Variants in EFL1 observed in about 807,000 individuals in gnomAD.
The protein encoded by EFL1 is elongation factor-like GTPase 1.
EFL1 carries 76 observed loss-of-function variants against 126.7 expected under a neutral mutation model. The ratio of observed to expected loss-of-function variants is 0.60; its 90% CI spans 0.50 to 0.73. The LOEUF (loss-of-function observed/expected upper bound fraction) is 0.73, where lower values mean the gene tolerates loss of function less well. Ranked by LOEUF, EFL1 falls within the 30% of genes least tolerant of loss-of-function variation. The probability of loss-of-function intolerance (pLI) is 0.00; values close to 1 mark genes in which losing one functional copy is unlikely to be tolerated. For missense variants in EFL1, 1,128 were observed against 1,343.2 expected, an observed-to-expected ratio of 0.84 and a Z score of 2.50; for synonymous variants, 410 against 448.4, an observed-to-expected ratio of 0.91 and a Z score of 1.08.
intron 12 of EFL1, 139 bp from the exon 13 acceptor site, chr15:82,220,368 T>C (rs1198451449): frequency 2.0e-6 from 2 of 992,796 alleles, no homozygotes; most frequent in African/African-American, 3.3e-5. Context: ...TCCCTGTCTG[T>C]AGCAATAAGA....
At chr15:82,197,267 C>T (rs1483877509) in intron 15 of EFL1, among the ~76,000 whole-genome samples, 1 of 152,098 alleles carries the variant, frequency 6.6e-6, no homozygotes, top group African/African-American at 2.4e-5. Context: ...ACCCCTATTC[C>T]CAGGGGACAG....
In EFL1 at chr15:82,138,649, G is replaced by GATTTTTACCTCCCAATGGCTGAATACTA. The variant is rs1567036708; in HGVS notation, c.3155_3174+8dup. 3 of 1,612,230 alleles carry GATTTTTACCTCCCAATGGCTGAATACTA rather than the reference G, an allele frequency of 1.9e-6. No homozygotes were observed. The highest frequency in any genetic ancestry group is 2.5e-6 in the Non-Finnish European group (3 of 1,178,948). On this transcript the variant is annotated intron_variant, in intron 19 of 19. Coordinates refer to ENST00000268206, the MANE Select transcript of EFL1 (RefSeq NM_024580.6). ...GAAGGAAGGAATGAATGGGAACTTG[G>GATTTTTACCTCCCAATGGCTGAATACTA]ATTTTTACCTCCCAATGGCTGAATA... is the stretch of plus-strand genomic sequence containing the variant.
intron 17 of EFL1, among the ~76,000 whole-genome samples, chr15:82,155,485 G>A (rs1389199158): frequency 6.6e-6 from 1 of 151,984 alleles, no homozygotes; most frequent in Non-Finnish European, 1.5e-5. Flanking sequence ...CTGAGCAATG[G>A]GAGTGCCTTT....
At position 82,240,505 on chromosome 15, in the gene EFL1, T is replaced by TA; in HGVS notation, c.428dup (p.Leu143PhefsTer4). 1 of 1,614,144 alleles carries TA rather than the reference T, an allele frequency of 6.2e-7. No individual in the cohort carries two copies. The highest frequency in any genetic ancestry group is 8.5e-7 in the Non-Finnish European group (1 of 1,180,022). On this transcript the variant is annotated frameshift_variant, in exon 6 of 20. Coordinates refer to ENST00000268206, the MANE Select transcript of EFL1 (RefSeq NM_024580.6). LOFTEE classifies it high-confidence loss of function. ...TCAAGCGATCAATCTTATTAATCAC[T>TA]AAAACCGGACGGATGTTTTCAAGCC...
At chr15:82,225,136 G>C (rs2074749099) in intron 12 of EFL1, 29 bp downstream of exon 12, 7 of 1,549,060 alleles carry the variant, frequency 4.5e-6, no homozygotes, top group Non-Finnish European at 6.2e-6. Context: ...CATATTCCTA[G>C]CCCAGCCCAA....
intron 15 of EFL1, among the ~76,000 whole-genome samples, chr15:82,201,548 G>A (rs1231630184): frequency 6.6e-6 from 1 of 151,948 alleles, no homozygotes; most frequent in Non-Finnish European, 1.5e-5. Context: ...CCTTGTAAAC[G>A]ATATCTTAAA....
At chr15:82,150,888 C>T (rs1352037260) in intron 18 of EFL1, among the ~76,000 whole-genome samples, 1 of 152,160 alleles carries the variant, frequency 6.6e-6, no homozygotes, top group Non-Finnish European at 1.5e-5. Flanking sequence ...TGGATGGTAA[C>T]ACATATGAGC....
intron 17 of EFL1, among the ~76,000 whole-genome samples, chr15:82,156,607 A>G (rs929736948): frequency 4.1e-5 from 6 of 146,392 alleles, no homozygotes; most frequent in African/African-American, 1.4e-4. Context: ...TTATTCTATT[A>G]TTAGTACCAG....
chr15:82,191,853 C>T (rs1299044859), intron 15 of EFL1, among the ~76,000 whole-genome samples: 1 of 152,024 alleles, frequency 6.6e-6, no homozygotes, highest in Non-Finnish European at 1.5e-5. Flanking sequence ...TTTATATTTG[C>T]GACTGAGTTA....
chr15:82,261,856 A>C (rs570700745), intron 1 of EFL1, 59 bp from the exon 2 acceptor site: 5 of 1,343,758 alleles, frequency 3.7e-6, no homozygotes, highest in African/African-American at 1.5e-5. Context: ...GCAAAAGAAA[A>C]AAATAATAAT....
intron 18 of EFL1, among the ~76,000 whole-genome samples, chr15:82,146,511 A>G (rs1170346864): frequency 3.3e-5 from 5 of 152,014 alleles, no homozygotes; most frequent in African/African-American, 9.7e-5. Context: ...GGACACTAGA[A>G]ATTGGTTATC....
chr15:82,135,702 G>A (rs2073713448), intron 19 of EFL1, among the ~76,000 whole-genome samples: 1 of 152,188 alleles, frequency 6.6e-6, no homozygotes, highest in African/African-American at 2.4e-5. Context: ...CTTAGGTGGG[G>A]CCTTGTTAGA....
At chr15:82,197,313 C>T (rs2074418766) in intron 15 of EFL1, among the ~76,000 whole-genome samples, 1 of 152,194 alleles carries the variant, frequency 6.6e-6, no homozygotes, top group Non-Finnish European at 1.5e-5. Context: ...TATCTGATTT[C>T]TTCCAGTCAT....
intron 16 of EFL1, among the ~76,000 whole-genome samples, chr15:82,159,148 T>C (rs535821796): frequency 1.5e-5 from 2 of 129,610 alleles, no homozygotes; most frequent in African/African-American, 7.0e-5. Context: ...TTTGGCATAC[T>C]GTAATTTTTT....
chr15:82,181,644 G>GTGTGTA (rs1007312694), intron 15 of EFL1, among the ~76,000 whole-genome samples: 29 of 151,216 alleles, frequency 1.9e-4, no homozygotes, highest in Admixed American at 3.3e-4. Context: ...GTGTGTGTGT[G>GTGTGTA]TATATATATA....
At chr15:82,186,876 GA>G (rs1215917973) in intron 15 of EFL1, among the ~76,000 whole-genome samples, 11 of 152,128 alleles carry the variant, frequency 7.2e-5, no homozygotes, top group Non-Finnish European at 1.5e-5. Flanking sequence ...AGGTCCCCTG[GA>G]ACTGACATCT....
intron 15 of EFL1, among the ~76,000 whole-genome samples, chr15:82,176,819 A>G (rs2141255477): frequency 6.6e-6 from 1 of 152,362 alleles, no homozygotes; most frequent in East Asian, 1.9e-4. Flanking sequence ...AGACATGTAT[A>G]AGAATATTCA....
chr15:82,165,098 C>A (rs1249734620), intron 15 of EFL1, among the ~76,000 whole-genome samples: 1 of 151,926 alleles, frequency 6.6e-6, no homozygotes, highest in African/African-American at 2.4e-5. Context: ...CAGAGTGAGA[C>A]TTCTTGCTAC....
At chr15:82,197,721 G>T (rs1323101617) in intron 15 of EFL1, among the ~76,000 whole-genome samples, 1 of 152,102 alleles carries the variant, frequency 6.6e-6, no homozygotes, top group Non-Finnish European at 1.5e-5. Flanking sequence ...GGTAGGAGGG[G>T]CAAGAGAATG....
Sources: gnomAD v4.1 joint callset for allele counts (sites outside exome capture counted in the v4.1 genomes callset) on GRCh38, gnomAD v4.1.1 for gene constraint, MANE v1.5 for transcripts, NCBI Gene and HGNC (gene_info 2026-07-23, HGNC 2026-07-21) for gene names.